The following FREM2 variants were observed in gnomAD, a reference collection of about 807,000 sequenced individuals.
FREM2 encodes the protein FRAS1-related extracellular matrix protein 2.
A neutral mutation model predicts 219.9 loss-of-function variants in FREM2; 119 were observed. The ratio of observed to expected loss-of-function variants is 0.54; its 90% CI spans 0.47 to 0.63. The LOEUF (loss-of-function observed/expected upper bound fraction) is 0.63, where lower values mean the gene tolerates loss of function less well. Ranked by LOEUF, FREM2 falls within the 30% of genes least tolerant of loss-of-function variation. The pLI is 0.00. For missense variants in FREM2, 4,030 were observed against 3,993.6 expected (o/e 1.01, Z -0.25); for synonymous variants, 1,562 against 1,522.8 (o/e 1.03, Z -0.60).
chr13:38,861,071 C>G (rs1415291129), intron 14 of FREM2, among the ~76,000 whole-genome samples: 2 of 152,146 alleles, frequency 1.3e-5, no homozygotes, highest in East Asian at 3.8e-4. Flanking sequence ...TACTTTTATC[C>G]TACTGACTTT....
intron 3 of FREM2, among the ~76,000 whole-genome samples, chr13:38,764,989 C>G (rs568187813): frequency 6.6e-6 from 1 of 152,180 alleles, no homozygotes; most frequent in African/African-American, 2.4e-5. Flanking sequence ...CAGCTCACTG[C>G]AAGCTCCGCC....
At chr13:38,855,717 T>C (rs1877529350) in intron 11 of FREM2, among the ~76,000 whole-genome samples, 2 of 152,042 alleles carry the variant, frequency 1.3e-5, no homozygotes, top group African/African-American at 4.8e-5. Flanking sequence ...AATGAACTTT[T>C]GGGACTCCAG....
intron 6 of FREM2, among the ~76,000 whole-genome samples, chr13:38,804,333 G>C (rs562209407): frequency 2.5e-4 from 37 of 150,432 alleles, no homozygotes; most frequent in Non-Finnish European, 3.7e-4. Context: ...ACATGAGAAG[G>C]ATACTAGATA....
intron 2 of FREM2, among the ~76,000 whole-genome samples, chr13:38,727,474 A>G (rs1214903787): frequency 6.6e-6 from 1 of 152,212 alleles, no homozygotes; most frequent in African/African-American, 2.4e-5. Context: ...GTGAGACTCC[A>G]TCTCAAAAAA....
Position 38,691,834 on chromosome 13 carries a change from CA to C in FREM2, c.4491del (p.Ala1498LeufsTer5). ...LAGNKIYYIH[T>X]ADDEVKMDSF... ...GGAAACAAAATCTACTACATCCACA[CA>C]GCTGATGATGAAGTGAAAATGGACA... is the stretch of plus-strand genomic sequence containing the variant. On this transcript the variant is annotated frameshift_variant, in exon 1 of 24. Coordinates refer to ENST00000280481, the MANE Select transcript of FREM2 (RefSeq NM_207361.6). LOFTEE classifies it high-confidence loss of function. The C allele has an allele frequency of 6.2e-7, 1 of 1,614,144 alleles. No individual in the cohort carries two copies. The highest frequency in any genetic ancestry group is 8.5e-7 in the Non-Finnish European group (1 of 1,180,024).
At chr13:38,878,094 A>T in intron 21 of FREM2, 40 bp from the exon 22 acceptor site, 1 of 1,519,058 alleles carries the variant, frequency 6.6e-7, no homozygotes, top group Non-Finnish European at 9.1e-7. Flanking sequence ...GATATACCTT[A>T]TCATATAACA....
intron 6 of FREM2, among the ~76,000 whole-genome samples, chr13:38,793,188 A>G (rs1469412516): frequency 6.6e-6 from 1 of 152,204 alleles, no homozygotes; most frequent in African/African-American, 2.4e-5. Context: ...ATAACAGCAA[A>G]CAAGAGAACC....
intron 6 of FREM2, among the ~76,000 whole-genome samples, chr13:38,798,629 T>C (rs577020806): frequency 5.1e-4 from 77 of 152,292 alleles, no homozygotes; most frequent in African/African-American, 1.8e-3. Context: ...TTTTCATTAC[T>C]GATTCAATCT....
At chr13:38,793,780 C>A (rs1874659664) in intron 6 of FREM2, among the ~76,000 whole-genome samples, 1 of 152,082 alleles carries the variant, frequency 6.6e-6, no homozygotes, top group African/African-American at 2.4e-5. Context: ...ATGCAGAGAC[C>A]AGGAGGCATC....
intron 2 of FREM2, among the ~76,000 whole-genome samples, chr13:38,743,110 A>G (rs1009697095): frequency 6.6e-6 from 1 of 152,034 alleles, no homozygotes; most frequent in Non-Finnish European, 1.5e-5. Context: ...CAGCTCATCC[A>G]CCTTGCTGAC....
At chr13:38,842,482 C>A (rs185648247) in intron 6 of FREM2, among the ~76,000 whole-genome samples, 3 of 151,958 alleles carry the variant, frequency 2.0e-5, no homozygotes, top group African/African-American at 7.3e-5. Flanking sequence ...GCCCATGGGA[C>A]GTGGATTGAT....
At chr13:38,868,649 C>T (rs1878055485) in intron 16 of FREM2, among the ~76,000 whole-genome samples, 1 of 152,154 alleles carries the variant, frequency 6.6e-6, no homozygotes, top group African/African-American at 2.4e-5. Context: ...ACATCCACAC[C>T]CACTGTTGGT....
chr13:38,792,281 G>A (rs200738714), intron 6 of FREM2, among the ~76,000 whole-genome samples: 4 of 152,064 alleles, frequency 2.6e-5, no homozygotes, highest in African/African-American at 9.7e-5. Context: ...CCTGGGAGGC[G>A]GAGGTTGCAG....
chr13:38,866,341 A>AG (rs1050226665), intron 16 of FREM2, among the ~76,000 whole-genome samples: 1 of 152,056 alleles, frequency 6.6e-6, no homozygotes, highest in African/African-American at 2.4e-5. Context: ...CTAAAAAAAA[A>AG]TACAAAAATT....
chr13:38,740,337 G>T (rs990085777), intron 2 of FREM2, among the ~76,000 whole-genome samples: 2 of 152,104 alleles, frequency 1.3e-5, no homozygotes, highest in Admixed American at 6.5e-5. Context: ...TTGTAATGAG[G>T]GAAAAAATAA....
At position 38,861,498 on chromosome 13, in the gene FREM2, A is replaced by T. The variant is rs1440009585; in HGVS notation, c.7587A>T (p.Thr2529=). The change falls in exon 15 of 24, where the codon ACA becomes ACT. Residue 2529 remains threonine (T), a synonymous_variant. Transcript: ENST00000280481. ...CGTTCTCAGCTAAATTGCGCTACACAGGCCCTGAGGATGCAGACTACACAA... is the reference window on the plus strand; with the variant it reads ...CGTTCTCAGCTAAATTGCGCTACACTGGCCCTGAGGATGCAGACTACACAA... ...AEPFSAKLRY[T]GPEDADYTNL... is the part of the protein sequence containing the mutation. The T allele has an allele frequency of 1.9e-6, 3 of 1,613,550 alleles. No homozygotes were observed. The highest frequency in any genetic ancestry group is 2.5e-6 in the Non-Finnish European group (3 of 1,179,790).
intron 2 of FREM2, among the ~76,000 whole-genome samples, chr13:38,739,167 G>A (rs1454887651): frequency 6.6e-6 from 1 of 152,144 alleles, no homozygotes; most frequent in Non-Finnish European, 1.5e-5. Flanking sequence ...AGCAATCATT[G>A]TCATAATCAT....
intron 2 of FREM2, among the ~76,000 whole-genome samples, chr13:38,760,488 GC>G (rs2137805124): frequency 6.6e-6 from 1 of 152,274 alleles, no homozygotes; most frequent in South Asian, 2.1e-4. Flanking sequence ...GGGTTAAATA[GC>G]CCTTTAGTCA....
At chr13:38,852,426 T>A (rs1345514699) in intron 11 of FREM2, among the ~76,000 whole-genome samples, 3 of 152,228 alleles carry the variant, frequency 2.0e-5, no homozygotes, top group African/African-American at 7.2e-5. Flanking sequence ...GAATTGGCTT[T>A]CTATTAGTTT....
Sources: gnomAD v4.1 joint callset for allele counts (sites outside exome capture counted in the v4.1 genomes callset) on GRCh38, gnomAD v4.1.1 for gene constraint, MANE v1.5 for transcripts, NCBI Gene and HGNC (gene_info 2026-07-23, HGNC 2026-07-21) for gene names.